Variants in CLTRN observed in about 807,000 individuals in gnomAD.
CLTRN encodes collectrin, amino acid transport regulator.
Under a neutral mutation model 14.5 loss-of-function variants are expected in CLTRN, and 12 were observed. The observed-to-expected ratio is 0.83, with a 90% CI of 0.53 to 1.34. The LOEUF is 1.34. CLTRN is among the 40% of genes most tolerant of loss of function. The pLI is 0.00. For synonymous variants in CLTRN, 58 were observed against 56.5 expected, an observed-to-expected ratio of 1.03 and a Z score of -0.12; for missense variants, 154 against 165.1, an observed-to-expected ratio of 0.93 and a Z score of 0.37.
At chrX:15,653,105 T>C (rs771716425) in intron 3 of CLTRN, among the ~76,000 whole-genome samples, 1 of 111,191 alleles carries the variant, frequency 9.0e-6, no homozygotes, top group South Asian at 3.8e-4. Flanking sequence ...AAATAAACAA[T>C]GTAAATAAAA....
chrX:15,675,145 G>A (rs1422223663), upstream of CLTRN: 1 of 112,831 alleles, frequency 8.9e-6, no homozygotes, highest in Non-Finnish European at 1.9e-5. Flanking sequence ...CGAACGAGCT[G>A]ACTTTAGCCC....
intron 3 of CLTRN, 74 bp downstream of exon 3, chrX:15,658,942 T>G (rs1929436862): frequency 1.1e-5 from 6 of 521,743 alleles, no homozygotes; most frequent in Non-Finnish European, 1.5e-5. Flanking sequence ...ATTTTCAAAA[T>G]CAAGGTTTGA....
At chrX:15,657,294 C>T (rs769058617) in intron 3 of CLTRN, among the ~76,000 whole-genome samples, 1 of 112,654 alleles carries the variant, frequency 8.9e-6, no homozygotes, top group African/African-American at 3.2e-5. Flanking sequence ...GCCACTGCAC[C>T]CAGCCCCAGT....
Position 15,664,694 on chromosome X carries a change from T to C in CLTRN, c.58+24A>G, listed in dbSNP as rs1408334479. ...AAACATGTAGAAAACTGTTCATCTA[T>C]TTTTAAATTTCAAGGCTACATACCT... On this transcript the variant is annotated intron_variant, in intron 1 of 5. Transcript: ENST00000380342. 3.4e-6 allele frequency: 4 copies of C among 1,171,969 alleles called. No homozygotes were observed. The Admixed American group carries it at 9.1e-5, about 27-fold the overall frequency.
intron 1 of CLTRN, among the ~76,000 whole-genome samples, chrX:15,673,436 C>G (rs780438117): frequency 8.9e-6 from 1 of 112,220 alleles, no homozygotes; most frequent in South Asian, 3.6e-4. Flanking sequence ...TATTTTGGTA[C>G]GCGGCCTCAA....
At chrX:15,669,695 C>T (rs1242240654), upstream of CLTRN, among the ~76,000 whole-genome samples, 3 of 111,803 alleles carry the variant, frequency 2.7e-5, no homozygotes, top group African/African-American at 6.5e-5. Context: ...CGTATAAATA[C>T]GTGGGCGTAT....
upstream of CLTRN, among the ~76,000 whole-genome samples, chrX:15,667,777 G>C (rs763837822): frequency 9.0e-6 from 1 of 111,099 alleles, no homozygotes; most frequent in Non-Finnish European, 1.9e-5. Context: ...GGAGTGCAGT[G>C]GCACCATCTT....
intron 5 of CLTRN, among the ~76,000 whole-genome samples, chrX:15,632,609 A>G (rs1205590134): frequency 3.8e-5 from 4 of 106,117 alleles, no homozygotes; most frequent in Non-Finnish European, 5.8e-5. Flanking sequence ...AGAGCTAAAG[A>G]GGCTGGGTGT....
chrX:15,632,883 C>CAAAAAAAAAA (rs758319942), intron 5 of CLTRN, among the ~76,000 whole-genome samples: 1 of 43,703 alleles, frequency 2.3e-5, no homozygotes, highest in Non-Finnish European at 4.0e-5. Context: ...GACTCTGTCT[C>CAAAAAAAAAA]AAAAAAAAAA....
chrX:15,669,547 A>T (rs1929678788), upstream of CLTRN, among the ~76,000 whole-genome samples: 1 of 112,202 alleles, frequency 8.9e-6, no homozygotes, highest in Non-Finnish European at 1.9e-5. Flanking sequence ...TATACTCCAC[A>T]ACACTCTTGA....
At chrX:15,671,691 T>C (rs750405724) in intron 1 of CLTRN, among the ~76,000 whole-genome samples, 81 of 112,151 alleles carry the variant, frequency 7.2e-4, no homozygotes, top group Non-Finnish European at 1.3e-3. Context: ...GCTGTTGGAC[T>C]GGCAGCCCAC....
chrX:15,664,519 C>A (rs956480954), intron 1 of CLTRN, 124 bp from the exon 2 acceptor site: 8 of 656,813 alleles, frequency 1.2e-5, no homozygotes, highest in Non-Finnish European at 1.6e-5. Context: ...ATTAAACAGC[C>A]CCAAATACTC....
At chrX:15,652,222 A>G (rs940793021) in intron 3 of CLTRN, among the ~76,000 whole-genome samples, 2 of 112,271 alleles carry the variant, frequency 1.8e-5, no homozygotes, top group Non-Finnish European at 3.8e-5. Context: ...AAAATTGATC[A>G]ACAAGCATTT....
intron 3 of CLTRN, among the ~76,000 whole-genome samples, chrX:15,657,487 A>G (rs945193752): frequency 8.9e-6 from 1 of 112,643 alleles, no homozygotes; most frequent in Non-Finnish European, 1.9e-5. Flanking sequence ...TTAGTCATGT[A>G]CTAGGTGAAA....
At chrX:15,639,505 C>G in intron 5 of CLTRN, 57 bp downstream of exon 5, 1 of 1,064,167 alleles carries the variant, frequency 9.4e-7, no homozygotes, top group Admixed American at 2.6e-5. Context: ...CCTGATTTGT[C>G]CAAGTCATGA....
chrX:15,673,095 G>A (rs1018226264), intron 1 of CLTRN, among the ~76,000 whole-genome samples: 1 of 112,170 alleles, frequency 8.9e-6, no homozygotes, highest in Non-Finnish European at 1.9e-5. Context: ...TATTTCCCAC[G>A]TAGCTCACAG....
intron 5 of CLTRN, among the ~76,000 whole-genome samples, chrX:15,633,819 G>A (rs1928756240): frequency 8.9e-6 from 1 of 112,387 alleles, no homozygotes; most frequent in African/African-American, 3.2e-5. Flanking sequence ...TATGTCCTAA[G>A]TCTTTGACCT....
chrX:15,628,205 T>C, intron 5 of CLTRN, 78 bp from the exon 6 acceptor site: 2 of 740,428 alleles, frequency 2.7e-6, no homozygotes, highest in Non-Finnish European at 3.6e-6. Flanking sequence ...TGAACGAACA[T>C]GGAGAACAGG....
chrX:15,668,482 C>T (rs1405398453), upstream of CLTRN, among the ~76,000 whole-genome samples: 1 of 112,561 alleles, frequency 8.9e-6, no homozygotes, highest in African/African-American at 3.2e-5. Context: ...TACATTAATA[C>T]ATTTTTCACA....
Sources: gnomAD v4.1 joint callset for allele counts (sites outside exome capture counted in the v4.1 genomes callset) on GRCh38, gnomAD v4.1.1 for gene constraint, MANE v1.5 for transcripts, NCBI Gene and HGNC (gene_info 2026-07-23, HGNC 2026-07-21) for gene names.